TRMT11: variants seen among roughly 807,000 people sequenced by gnomAD.
TRMT11 encodes tRNA methyltransferase 11, also known as tRNA (guanine(10)-N(2))-methyltransferase TRMT11.
A neutral mutation model predicts 62.8 loss-of-function variants in TRMT11; 53 were observed. The ratio of observed to expected loss-of-function variants is 0.84; its 90% CI spans 0.68 to 1.06. The LOEUF (loss-of-function observed/expected upper bound fraction) is 1.06, where lower values mean the gene tolerates loss of function less well. Ranked by LOEUF, TRMT11 falls within the 50% of genes least tolerant of loss-of-function variation. The probability of loss-of-function intolerance (pLI) is 0.00; values close to 1 mark genes in which losing one functional copy is unlikely to be tolerated. For synonymous variants in TRMT11, 188 were observed against 190.3 expected (o/e 0.99, Z 0.10); for missense variants, 556 against 553.4 (o/e 1.00, Z -0.05).
intron 21 of TRMT11, among the ~76,000 whole-genome samples, chr6:126,122,735 C>T (rs548375117): frequency 1.3e-5 from 2 of 152,222 alleles, no homozygotes; most frequent in African/African-American, 4.8e-5. Flanking sequence ...TAAAAATGGA[C>T]AATTTCCCCT....
chr6:126,098,655 G>A (rs1777364828), intron 17 of TRMT11, among the ~76,000 whole-genome samples: 1 of 152,184 alleles, frequency 6.6e-6, no homozygotes, highest in South Asian at 2.1e-4. Context: ...AAATGAGATT[G>A]GCGGGGGATG....
the TRMT11 span, among the ~76,000 whole-genome samples, chr6:126,250,256 G>A: frequency 6.6e-6 from 1 of 152,102 alleles, no homozygotes. Context: ...TGTAATTTTC[G>A]TAGAGTGTAG....
chr6:126,111,998 C>T (rs1046912740), intron 17 of TRMT11, among the ~76,000 whole-genome samples: 3 of 152,130 alleles, frequency 2.0e-5, no homozygotes, highest in Non-Finnish European at 2.9e-5. Context: ...CTTTCTACTC[C>T]ATTTCTGTCT....
chr6:126,177,967 C>T (rs1225379561), intron 1 of TRMT11, among the ~76,000 whole-genome samples: 1 of 152,292 alleles, frequency 6.6e-6, no homozygotes, highest in East Asian at 1.9e-4. Context: ...GTGCCTACTG[C>T]AAGCTCTGGT....
intron 11 of TRMT11, among the ~76,000 whole-genome samples, chr6:126,014,865 T>C (rs1443542012): frequency 3.9e-5 from 6 of 152,136 alleles, no homozygotes; most frequent in African/African-American, 1.4e-4. Context: ...GCCAGCTAGC[T>C]AATTTGTTTC....
rs1026309402 is a variant in TRMT11, at chr6:126,013,156, C to G, written c.1139+55C>G. ...CATTTTTCTTACAATGTTTGCGTAT[C>G]TAGTATAATTTTCTCTTTATCTCTT... On this transcript the variant is annotated intron_variant, in intron 11 of 12. Coordinates refer to ENST00000334379, the MANE Select transcript of TRMT11 (RefSeq NM_001031712.3). 2.7e-6 allele frequency: 4 copies of G among 1,503,344 alleles called. No individual in the cohort carries two copies. The African/African-American group carries it at 4.2e-5, about 16-fold the overall frequency. 93.1% of individuals were successfully genotyped at this position (1,503,344 alleles called of 1,614,324 possible). A position where few individuals can be genotyped will look rare whatever the true frequency, so the allele number is the denominator to read the frequency against.
intron 17 of TRMT11, among the ~76,000 whole-genome samples, chr6:126,107,667 A>G (rs2128184741): frequency 6.6e-6 from 1 of 152,318 alleles, no homozygotes. Flanking sequence ...CTGTGTGACA[A>G]TGCTCAGAAT....
chr6:126,047,066 C>T (rs1776081607), intron 16 of TRMT11, among the ~76,000 whole-genome samples: 1 of 151,900 alleles, frequency 6.6e-6, no homozygotes, highest in African/African-American at 2.4e-5. Context: ...TGCCTGGACT[C>T]CTTGACATGG....
intron 12 of TRMT11, among the ~76,000 whole-genome samples, chr6:126,029,412 C>A (rs1328855655): frequency 6.6e-6 from 1 of 152,092 alleles, no homozygotes; most frequent in Non-Finnish European, 1.5e-5. Context: ...GCAATGTAAC[C>A]ACTATTCTGA....
chr6:126,221,987 A>G, the TRMT11 span, among the ~76,000 whole-genome samples: 2 of 152,194 alleles, frequency 1.3e-5, no homozygotes, highest in Non-Finnish European at 2.9e-5. Context: ...TGATTTTTGT[A>G]AAAGGCGAAA....
chr6:126,251,839 A>G, the TRMT11 span, among the ~76,000 whole-genome samples: 1 of 152,174 alleles, frequency 6.6e-6, no homozygotes, highest in Admixed American at 6.5e-5. Context: ...ACTTATTTAC[A>G]TCAGGTATCC....
At chr6:126,271,944 T>A in the TRMT11 span, among the ~76,000 whole-genome samples, 2 of 152,206 alleles carry the variant, frequency 1.3e-5, no homozygotes, top group African/African-American at 4.8e-5. Flanking sequence ...TGAAATGTGA[T>A]CTTCATAGGA....
At chr6:126,173,535 G>T (rs144486956), upstream of TRMT11, among the ~76,000 whole-genome samples, 1 of 152,172 alleles carries the variant, frequency 6.6e-6, no homozygotes, top group South Asian at 2.1e-4. Context: ...GGCAGTCGGG[G>T]CAAGCATGCT....
Position 126,154,079 on chromosome 6 carries a change from T to G in TRMT11, c.*1824-20746T>G, listed in dbSNP as rs117102925. Among the ~76,000 whole-genome samples, 1,489 of 152,332 alleles carry G rather than the reference T, an allele frequency of 9.8e-3. 14 individuals carry two copies. Among genetic ancestry groups the G allele is most frequent in the Non-Finnish European group, 0.016 (1,059 of 68,026 alleles). ...GGAAGACTGTATGCCACTCATTGGTTACTGGCAGTTAAAACTTTTTTCTTG... is the reference window on the plus strand; with the variant it reads ...GGAAGACTGTATGCCACTCATTGGTGACTGGCAGTTAAAACTTTTTTCTTG... On this transcript the variant is annotated intron_variant and NMD_transcript_variant, in intron 21 of 22. Coordinates refer to the TRMT11 transcript ENST00000648977.
intron 7 of TRMT11, among the ~76,000 whole-genome samples, chr6:126,008,149 A>G (rs1793637881): frequency 6.6e-6 from 1 of 152,052 alleles, no homozygotes; most frequent in Admixed American, 6.6e-5. Flanking sequence ...AAAAAGATAA[A>G]ATAGTGCTGT....
the TRMT11 span, among the ~76,000 whole-genome samples, chr6:126,256,598 A>T: frequency 1.3e-5 from 2 of 152,320 alleles, no homozygotes; most frequent in Middle Eastern, 6.8e-3. Flanking sequence ...TCCACTCAAA[A>T]TACAATAATG....
intron 7 of TRMT11, among the ~76,000 whole-genome samples, chr6:126,003,789 T>A (rs1221485134): frequency 1.3e-5 from 2 of 152,076 alleles, no homozygotes; most frequent in Non-Finnish European, 2.9e-5. Context: ...CACACTCCCC[T>A]TATTTTTCTG....
intron 17 of TRMT11, among the ~76,000 whole-genome samples, chr6:126,096,704 C>T (rs1440282297): frequency 2.0e-5 from 3 of 152,088 alleles, no homozygotes; most frequent in Non-Finnish European, 2.9e-5. Context: ...CTAGAATGAT[C>T]CTGTACCTGT....
chr6:125,993,781 T>C lies in TRMT11; in HGVS notation c.97T>C (p.Phe33Leu). 2 of 1,611,022 alleles carry C rather than the reference T, an allele frequency of 1.2e-6. No individual in the cohort carries two copies. The highest frequency in any genetic ancestry group is 1.7e-6 in the Non-Finnish European group (2 of 1,177,660). The change falls in exon 2 of 13, where the codon TTT becomes CTT. Residue 33 changes from phenylalanine to leucine, a missense_variant. By Grantham distance (22) the Phe-to-Leu change is conservative. Coordinates refer to ENST00000334379, the MANE Select transcript of TRMT11 (RefSeq NM_001031712.3). ...GGAAATAAAGTCTTTGCTTTTGCTT[T>C]TTGGAGGTCAGTTTGCCAGCAGTCA... ...LPEIKSLLLL[F>L]GGQFASSQET...
Sources: gnomAD v4.1 joint callset for allele counts (sites outside exome capture counted in the v4.1 genomes callset) on GRCh38, gnomAD v4.1.1 for gene constraint, MANE v1.5 for transcripts, NCBI Gene and HGNC (gene_info 2026-07-23, HGNC 2026-07-21) for gene names.